FMNL2: variants seen among roughly 807,000 people sequenced by gnomAD.
FMNL2 encodes formin like 2.
In FMNL2, 51 loss-of-function variants were observed where a neutral mutation model predicts 130.2. That is an observed-to-expected ratio of 0.39 (90% CI 0.31 to 0.49). The LOEUF (loss-of-function observed/expected upper bound fraction) is 0.49. FMNL2 is among the 20% of genes least tolerant of loss of function. The pLI is 0.85. For missense variants in FMNL2, 977 were observed against 1,316.2 expected, an observed-to-expected ratio of 0.74 and a Z score of 3.99; for synonymous variants, 465 against 467.1, an observed-to-expected ratio of 1.00 and a Z score of 0.06.
intron 21 of FMNL2, among the ~76,000 whole-genome samples, chr2:152,633,463 T>C (rs893715063): frequency 3.3e-5 from 5 of 152,074 alleles, no homozygotes; most frequent in African/African-American, 9.7e-5. Context: ...CCCCTGAAAA[T>C]TGGATGTTGG....
chr2:152,640,431 T>C (rs1682984203), intron 24 of FMNL2, among the ~76,000 whole-genome samples: 1 of 152,152 alleles, frequency 6.6e-6, no homozygotes, highest in South Asian at 2.1e-4. Flanking sequence ...GGAGGGAACA[T>C]TTCATGGAGG....
chr2:152,375,877 C>CTCTCTCTCTCTCTCTCTATATATATATA (rs796954245), intron 1 of FMNL2, among the ~76,000 whole-genome samples: 1 of 112,482 alleles, frequency 8.9e-6, no homozygotes, highest in Non-Finnish European at 1.7e-5. Context: ...CTCTCTCTCT[C>CTCTCTCTCTCTCTCTCTATATATATATA]TATATATATA....
intron 1 of FMNL2, among the ~76,000 whole-genome samples, chr2:152,457,339 C>T (rs981532057): frequency 9.9e-5 from 15 of 152,154 alleles, no homozygotes; most frequent in Non-Finnish European, 2.1e-4. Context: ...TTAAACATTC[C>T]CATCATTGTG....
intron 1 of FMNL2, among the ~76,000 whole-genome samples, chr2:152,454,297 T>G (rs1688827603): frequency 6.6e-6 from 1 of 151,948 alleles, no homozygotes; most frequent in South Asian, 2.1e-4. Context: ...AAAAAGTGGG[T>G]TTTTTCTTTG....
At chr2:152,639,844 T>G in intron 23 of FMNL2, 114 bp from the exon 24 acceptor site, 6 of 766,580 alleles carry the variant, frequency 7.8e-6, no homozygotes, top group South Asian at 5.2e-5. Flanking sequence ...CTTCTCAACC[T>G]TCCATTTATT....
At chr2:152,623,583 G>GAGGCAGGC (rs754074347) in intron 15 of FMNL2, among the ~76,000 whole-genome samples, 1 of 152,122 alleles carries the variant, frequency 6.6e-6, no homozygotes, top group African/African-American at 2.4e-5. Context: ...AACGCCAACT[G>GAGGCAGGC]AGGCAGGCAG....
intron 6 of FMNL2, among the ~76,000 whole-genome samples, chr2:152,566,560 G>A (rs1558969144): frequency 6.6e-6 from 1 of 152,148 alleles, no homozygotes; most frequent in Non-Finnish European, 1.5e-5. Context: ...GCAAATTCTT[G>A]TAGCTGTGGT....
At chr2:152,497,607 C>A (rs1457858831) in intron 1 of FMNL2, among the ~76,000 whole-genome samples, 1 of 152,130 alleles carries the variant, frequency 6.6e-6, no homozygotes. Flanking sequence ...GTTTATCCTT[C>A]CTGTATATAT....
intron 2 of FMNL2, among the ~76,000 whole-genome samples, chr2:152,533,959 G>A (rs1693848571): frequency 6.6e-6 from 1 of 152,096 alleles, no homozygotes; most frequent in Non-Finnish European, 1.5e-5. Flanking sequence ...TTATGCCTTT[G>A]TAGAGAGAGA....
intron 2 of FMNL2, among the ~76,000 whole-genome samples, chr2:152,527,948 A>T (rs1693478994): frequency 6.6e-6 from 1 of 152,120 alleles, no homozygotes; most frequent in African/African-American, 2.4e-5. Flanking sequence ...GTGCATGCAA[A>T]AGGTTTTTAT....
At chr2:152,539,899 A>T (rs1211749093) in intron 2 of FMNL2, among the ~76,000 whole-genome samples, 1 of 152,132 alleles carries the variant, frequency 6.6e-6, no homozygotes, top group Non-Finnish European at 1.5e-5. Context: ...CAGGAGTTCA[A>T]TACCAGCCTG....
chr2:152,420,930 G>C (rs996944827), intron 1 of FMNL2, among the ~76,000 whole-genome samples: 2 of 152,210 alleles, frequency 1.3e-5, no homozygotes, highest in African/African-American at 4.8e-5. Flanking sequence ...TTCGGACTCA[G>C]ATTTGCCTGT....
At chr2:152,378,986 CAAAAAAAAA>C (rs34091948) in intron 1 of FMNL2, among the ~76,000 whole-genome samples, 2 of 41,990 alleles carry the variant, frequency 4.8e-5, no homozygotes, top group South Asian at 1.5e-3. Flanking sequence ...AGACCAGCTG[CAAAAAAAAA>C]AAAAAAAAAA....
chr2:152,435,265 T>C (rs1687691110), intron 1 of FMNL2, among the ~76,000 whole-genome samples: 2 of 152,132 alleles, frequency 1.3e-5, no homozygotes, highest in Non-Finnish European at 2.9e-5. Context: ...GTGGGTCACT[T>C]GAGGCCAGGA....
At chr2:152,507,421 T>A (rs536096568) in intron 1 of FMNL2, among the ~76,000 whole-genome samples, 1 of 152,320 alleles carries the variant, frequency 6.6e-6, no homozygotes, top group Non-Finnish European at 1.5e-5. Flanking sequence ...AACACTTATG[T>A]CAGGCACTGA....
At chr2:152,490,367 G>GT (rs1691085099) in intron 1 of FMNL2, among the ~76,000 whole-genome samples, 3 of 152,080 alleles carry the variant, frequency 2.0e-5, no homozygotes, top group South Asian at 4.1e-4. Flanking sequence ...TTTGAAAATC[G>GT]TAAGTGTACA....
intron 1 of FMNL2, among the ~76,000 whole-genome samples, chr2:152,380,139 T>C (rs1384670509): frequency 6.6e-6 from 1 of 152,240 alleles, no homozygotes; most frequent in Non-Finnish European, 1.5e-5. Flanking sequence ...CATCTCATCC[T>C]GGGCTTTGAG....
At chr2:152,605,220 A>T (rs1195010637) in intron 9 of FMNL2, among the ~76,000 whole-genome samples, 1 of 152,022 alleles carries the variant, frequency 6.6e-6, no homozygotes, top group African/African-American at 2.4e-5. Context: ...AAAATTGTGC[A>T]TGCCCGTGTC....
intron 1 of FMNL2, among the ~76,000 whole-genome samples, chr2:152,355,795 T>TGTA (rs1682747275): frequency 6.6e-6 from 1 of 152,258 alleles, no homozygotes; most frequent in Non-Finnish European, 1.5e-5. Flanking sequence ...CATGTTGCTC[T>TGTA]GTAGCACGTG....
Sources: gnomAD v4.1 joint callset for allele counts (sites outside exome capture counted in the v4.1 genomes callset) on GRCh38, gnomAD v4.1.1 for gene constraint, MANE v1.5 for transcripts, NCBI Gene and HGNC (gene_info 2026-07-23, HGNC 2026-07-21) for gene names.